Variants in FBXW11 observed in about 807,000 individuals in gnomAD.
The protein encoded by FBXW11 is F-box/WD repeat-containing protein 11.
A neutral mutation model predicts 77.6 loss-of-function variants in FBXW11; 19 were observed. That is an observed-to-expected ratio of 0.24 (90% confidence interval 0.17 to 0.36). FBXW11 has a LOEUF of 0.36. Ranked by LOEUF, FBXW11 falls within the 10% of genes least tolerant of loss-of-function variation. The pLI is 1.00. For missense variants in FBXW11, 334 were observed against 704.2 expected, an observed-to-expected ratio of 0.47 and a Z score of 5.95; for synonymous variants, 235 against 249.4, an observed-to-expected ratio of 0.94 and a Z score of 0.54.
intron 2 of FBXW11, among the ~76,000 whole-genome samples, chr5:171,917,506 A>G (rs1285118270): frequency 6.6e-6 from 1 of 152,208 alleles, no homozygotes; most frequent in Non-Finnish European, 1.5e-5. Flanking sequence ...AAAGAAGGCT[A>G]GACATACAAT....
rs1363730912 is a variant in FBXW11, at chr5:171,864,051, T to G, written c.*76A>C. 6.6e-6 allele frequency: 1 copy of G among 152,106 alleles called. No individual in the cohort carries two copies. The highest frequency in any genetic ancestry group is 1.5e-5 in the Non-Finnish European group (1 of 68,010). 9.4% of individuals were successfully genotyped at this position (152,106 alleles called of 1,614,324 possible). A position where few individuals can be genotyped will look rare whatever the true frequency, so the allele number is the denominator to read the frequency against. ...CTTCATAACTCAGCTGTGAACGAAC[T>G]CCCTTAGGCATTTGGTAGCCACGTA... On this transcript the variant is annotated 3_prime_UTR_variant, in exon 14 of 14. Coordinates refer to ENST00000517395, the MANE Select transcript of FBXW11 (RefSeq NM_001378974.1).
chr5:171,994,251 A>C (rs1277484997), intron 1 of FBXW11, among the ~76,000 whole-genome samples: 2 of 152,202 alleles, frequency 1.3e-5, no homozygotes, highest in Admixed American at 1.3e-4. Context: ...CTGGGTTCAT[A>C]TCTCACCTTT....
intron 2 of FBXW11, among the ~76,000 whole-genome samples, chr5:171,932,233 G>A (rs1401797754): frequency 6.6e-6 from 1 of 151,948 alleles, no homozygotes; most frequent in Non-Finnish European, 1.5e-5. Context: ...TTTAAAATGG[G>A]CCAAAAACCT....
intron 8 of FBXW11, 51 bp downstream of exon 8, chr5:171,877,960 C>CTT: frequency 7.3e-7 from 1 of 1,374,216 alleles, no homozygotes; most frequent in Non-Finnish European, 1.0e-6. Flanking sequence ...CAATCTCAGA[C>CTT]TTTCTCAGGG....
At chr5:171,937,998 T>C (rs968677654) in intron 2 of FBXW11, among the ~76,000 whole-genome samples, 38 of 152,136 alleles carry the variant, frequency 2.5e-4, no homozygotes, top group African/African-American at 9.2e-4. Flanking sequence ...AAAATTTCTT[T>C]AAATTGAGGG....
rs546345467 is a variant in FBXW11 at position 171,928,592 on chromosome 5, T to C, written c.148-14187A>G. Among the ~76,000 whole-genome samples the C allele has an allele frequency of 5.3e-5, 8 of 152,342 alleles. 1 individual carries two copies. The South Asian group carries it at 1.4e-3, about 28-fold the overall frequency. ...GGACAGAATGGAAGATTGTAATCGG[T>C]GCATTTCAAGCATTTGACAATATTC... On this transcript the variant is annotated intron_variant, in intron 2 of 13. Coordinates refer to ENST00000517395, the MANE Select transcript of FBXW11 (RefSeq NM_001378974.1).
intron 1 of FBXW11, among the ~76,000 whole-genome samples, chr5:171,964,028 T>C (rs1216752614): frequency 6.6e-6 from 1 of 152,218 alleles, no homozygotes; most frequent in Admixed American, 6.5e-5. Context: ...GCTATTAAAC[T>C]GTTTTAAGCA....
intron 1 of FBXW11, among the ~76,000 whole-genome samples, chr5:171,990,709 T>C (rs1179527139): frequency 6.6e-6 from 1 of 152,172 alleles, no homozygotes; most frequent in African/African-American, 2.4e-5. Flanking sequence ...AACTGAGTCA[T>C]ATTTTACTTA....
intron 1 of FBXW11, among the ~76,000 whole-genome samples, chr5:171,986,336 A>C (rs1238294587): frequency 6.6e-6 from 1 of 151,960 alleles, no homozygotes; most frequent in East Asian, 1.9e-4. Context: ...TGAACCTGGG[A>C]GGTGGAGGTT....
chr5:171,893,559 G>A (rs769917890), intron 6 of FBXW11, among the ~76,000 whole-genome samples: 20 of 150,916 alleles, frequency 1.3e-4, no homozygotes, highest in Middle Eastern at 3.2e-3. Context: ...AGAACTCAAC[G>A]CATGGAATCA....
intron 1 of FBXW11, among the ~76,000 whole-genome samples, chr5:171,997,584 T>G: frequency 6.6e-6 from 1 of 152,232 alleles, no homozygotes; most frequent in East Asian, 1.9e-4. Flanking sequence ...AAATATAGTG[T>G]GCTTCAAAAC....
At chr5:171,891,696 C>T in intron 6 of FBXW11, 92 bp from the exon 7 acceptor site, 1 of 1,250,958 alleles carries the variant, frequency 8.0e-7, no homozygotes, top group South Asian at 1.5e-5. Flanking sequence ...AAACAGCATA[C>T]CACCGATACC....
intron 6 of FBXW11, among the ~76,000 whole-genome samples, chr5:171,898,150 G>A (rs1414086684): frequency 6.6e-6 from 1 of 152,056 alleles, no homozygotes; most frequent in Non-Finnish European, 1.5e-5. Context: ...AAGGGTGGTG[G>A]GGTCTGAAAA....
In FBXW11 at chr5:171,898,998, A is replaced by G. The variant is rs369533079; in HGVS notation, c.714+6T>C. On this transcript the variant is annotated splice_donor_region_variant and intron_variant, in intron 6 of 13. Transcript: ENST00000517395. ...AGCCCATAAAACAGATAAATCATAAAGTTACCTCTATATCCTGGATAATCT... is the reference window on the plus strand; with the variant it reads ...AGCCCATAAAACAGATAAATCATAAGGTTACCTCTATATCCTGGATAATCT... 34 of 1,554,492 alleles carry G rather than the reference A, an allele frequency of 2.2e-5. No homozygotes were observed. The African/African-American group carries it at 4.3e-4, about 20-fold the overall frequency.
chr5:171,942,432 A>C (rs1402511903), intron 2 of FBXW11, among the ~76,000 whole-genome samples: 2 of 152,200 alleles, frequency 1.3e-5, no homozygotes, highest in Non-Finnish European at 2.9e-5. Context: ...GCTGTTTCAC[A>C]GTCTGTCAAT....
chr5:171,958,468 G>A (rs1763730879), intron 1 of FBXW11, among the ~76,000 whole-genome samples: 1 of 152,132 alleles, frequency 6.6e-6, no homozygotes, highest in Non-Finnish European at 1.5e-5. Context: ...ATGATTTTCA[G>A]TGTCATCACA....
chr5:171,895,908 C>T (rs1474826289), intron 6 of FBXW11, among the ~76,000 whole-genome samples: 1 of 152,176 alleles, frequency 6.6e-6, no homozygotes, highest in Non-Finnish European at 1.5e-5. Context: ...CTAGGAATTC[C>T]TTCTCAATTC....
chr5:171,960,550 G>C (rs777731507), intron 1 of FBXW11, among the ~76,000 whole-genome samples: 3 of 152,220 alleles, frequency 2.0e-5, no homozygotes, highest in Non-Finnish European at 4.4e-5. Flanking sequence ...GTATTGATTA[G>C]ATTCTGCTAA....
chr5:171,979,546 G>T (rs1765032209), intron 1 of FBXW11, among the ~76,000 whole-genome samples: 1 of 151,916 alleles, frequency 6.6e-6, no homozygotes, highest in African/African-American at 2.4e-5. Context: ...AAAAAGGTAA[G>T]TTCCTATTCA....
Sources: allele counts gnomAD v4.1 joint callset (sites outside exome capture counted in the v4.1 genomes callset), GRCh38; gene constraint gnomAD v4.1.1; transcripts MANE v1.5; gene names NCBI Gene and HGNC (gene_info 2026-07-23, HGNC 2026-07-21).